The following DNAJC15 variants were observed in gnomAD, a reference collection of about 807,000 sequenced individuals.
The protein encoded by DNAJC15 is dnaJ homolog subfamily C member 15.
DNAJC15 carries 27 observed loss-of-function variants against 22.4 expected under a neutral mutation model. The observed-to-expected ratio is 1.20, with a 90% CI of 0.89 to 1.66. DNAJC15 has a LOEUF of 1.66. Among genes scored for constraint, DNAJC15 ranks in the 40% most tolerant of loss-of-function variants. The pLI is 0.00. For missense variants in DNAJC15, 208 were observed against 187.1 expected (o/e 1.11, Z -0.65); for synonymous variants, 79 against 63.2 (o/e 1.25, Z -1.19).
intron 5 of DNAJC15, among the ~76,000 whole-genome samples, chr13:43,104,683 CTTTTCTTTTCT>C (rs1181638155): frequency 2.9e-4 from 41 of 143,586 alleles, no homozygotes; most frequent in African/African-American, 9.1e-4. Context: ...TTTTTCTTTT[CTTTTCTTTTCT>C]TTTTTTTTTT....
intron 5 of DNAJC15, among the ~76,000 whole-genome samples, chr13:43,097,326 G>A (rs940180730): frequency 6.6e-6 from 1 of 152,170 alleles, no homozygotes; most frequent in Non-Finnish European, 1.5e-5. Flanking sequence ...CATATGGTTT[G>A]TTTCTGGAAT....
intron 4 of DNAJC15, 79 bp downstream of exon 4, chr13:43,078,767 A>G (rs1343716920): frequency 8.0e-7 from 1 of 1,242,840 alleles, no homozygotes; most frequent in Admixed American, 2.1e-5. Flanking sequence ...CAATAAGGTT[A>G]TACTTAGACT....
chr13:43,038,325 T>C (rs1032423374), intron 1 of DNAJC15, among the ~76,000 whole-genome samples: 3 of 152,330 alleles, frequency 2.0e-5, no homozygotes, highest in African/African-American at 7.2e-5. Flanking sequence ...TTTGTAAGAC[T>C]TTGATTTGTT....
chr13:43,047,202 A>G (rs2040481599), intron 1 of DNAJC15, among the ~76,000 whole-genome samples: 1 of 152,236 alleles, frequency 6.6e-6, no homozygotes, highest in South Asian at 2.1e-4. Flanking sequence ...CTTTTAGAAA[A>G]TGACGCTTTG....
At position 43,029,897 on chromosome 13, in the gene DNAJC15, G is replaced by C. The variant is rs564103611; in HGVS notation, c.108+6163G>C. 5.9e-5 allele frequency among the ~76,000 whole-genome samples: 9 copies of C among 152,104 alleles called. No homozygotes were observed. The East Asian group carries it at 1.7e-3, about 29-fold the overall frequency. On this transcript the variant is annotated intron_variant, in intron 1 of 5. Coordinates refer to ENST00000379221, the MANE Select transcript of DNAJC15 (RefSeq NM_013238.3). ...TTGCTCTGCCTCATAAATTTTTGTT[G>C]AATCATTAAATTAACAAATGAATGA...
intron 5 of DNAJC15, among the ~76,000 whole-genome samples, chr13:43,095,479 T>C (rs933630186): frequency 2.8e-4 from 42 of 152,260 alleles, no homozygotes; most frequent in African/African-American, 9.6e-4. Context: ...ATTGAATAAA[T>C]GACTCTAGAG....
chr13:43,050,857 C>T (rs1359864643), intron 1 of DNAJC15, among the ~76,000 whole-genome samples: 2 of 152,050 alleles, frequency 1.3e-5, no homozygotes, highest in Non-Finnish European at 2.9e-5. Context: ...TGTATTTTAT[C>T]GTTTTAGTGT....
chr13:43,092,422 A>G (rs1319932278), intron 5 of DNAJC15, among the ~76,000 whole-genome samples: 1 of 151,964 alleles, frequency 6.6e-6, no homozygotes, highest in Non-Finnish European at 1.5e-5. Context: ...TGACAATTTT[A>G]GACTTTTAAT....
intron 1 of DNAJC15, among the ~76,000 whole-genome samples, chr13:43,048,342 A>T (rs1441275547): frequency 6.6e-6 from 1 of 151,542 alleles, no homozygotes; most frequent in Non-Finnish European, 1.5e-5. Context: ...AAAAAAAAAA[A>T]TTACCCGGGT....
chr13:43,070,662 G>A (rs914027899), intron 3 of DNAJC15, among the ~76,000 whole-genome samples: 2 of 152,170 alleles, frequency 1.3e-5, no homozygotes, highest in African/African-American at 2.4e-5. Flanking sequence ...TCACTGCAAA[G>A]GTCCTGAGGT....
At chr13:43,056,707 A>G (rs764861385) in intron 1 of DNAJC15, among the ~76,000 whole-genome samples, 26 of 152,084 alleles carry the variant, frequency 1.7e-4, no homozygotes, top group Non-Finnish European at 2.8e-4. Flanking sequence ...TGTTAGGTAC[A>G]TATATATCTG....
intron 5 of DNAJC15, among the ~76,000 whole-genome samples, chr13:43,099,845 G>GT: frequency 6.6e-6 from 1 of 151,990 alleles, no homozygotes; most frequent in Admixed American, 6.6e-5. Flanking sequence ...CTAGTATTGT[G>GT]TTTTAGTATC....
intron 3 of DNAJC15, among the ~76,000 whole-genome samples, chr13:43,072,489 G>T (rs2040613557): frequency 6.6e-6 from 1 of 151,348 alleles, no homozygotes; most frequent in Non-Finnish European, 1.5e-5. Context: ...TCATTCTACA[G>T]TATTTTCACA....
chr13:43,081,194 TAC>T (rs1489332581), intron 4 of DNAJC15, among the ~76,000 whole-genome samples: 1 of 152,222 alleles, frequency 6.6e-6, no homozygotes, highest in African/African-American at 2.4e-5. Context: ...TGAATTATTT[TAC>T]AAAGCTGCCC....
intron 1 of DNAJC15, among the ~76,000 whole-genome samples, chr13:43,024,365 A>G (rs1434323647): frequency 6.2e-5 from 4 of 64,088 alleles, no homozygotes; most frequent in African/African-American, 2.3e-4. Context: ...TTTTTTTGAG[A>G]CGGAGTCTCG....
At chr13:43,065,663 AAT>A (rs754384170) in intron 1 of DNAJC15, 21 bp from the exon 2 acceptor site, 28 of 1,598,228 alleles carry the variant, frequency 1.8e-5, no homozygotes, top group Non-Finnish European at 2.2e-5. Context: ...CATCATAAGT[AAT>A]ATTCATTTTT....
intron 1 of DNAJC15, among the ~76,000 whole-genome samples, chr13:43,024,038 C>T (rs1425001440): frequency 6.6e-6 from 1 of 152,216 alleles, no homozygotes; most frequent in Non-Finnish European, 1.5e-5. Context: ...TTTCCTATCT[C>T]ATAGGAGGCC....
intron 2 of DNAJC15, among the ~76,000 whole-genome samples, chr13:43,066,639 T>G (rs555174656): frequency 6.6e-6 from 1 of 152,290 alleles, no homozygotes; most frequent in South Asian, 2.1e-4. Context: ...GTTTTTCTTT[T>G]TTTTGAGACG....
intron 5 of DNAJC15, among the ~76,000 whole-genome samples, chr13:43,089,390 C>T (rs768223736): frequency 4.6e-5 from 7 of 152,002 alleles, no homozygotes; most frequent in South Asian, 2.1e-4. Flanking sequence ...TGTAGCAAGG[C>T]GATAAAGGGT....
Sources: allele counts gnomAD v4.1 joint callset (sites outside exome capture counted in the v4.1 genomes callset), GRCh38; gene constraint gnomAD v4.1.1; transcripts MANE v1.5; gene names NCBI Gene and HGNC (gene_info 2026-07-23, HGNC 2026-07-21).